Variants in LSAMP observed in about 807,000 individuals in gnomAD.
LSAMP encodes limbic system associated membrane protein, also known as limbic system-associated membrane protein.
Under a neutral mutation model 38.6 loss-of-function variants are expected in LSAMP, and 7 were observed. The observed-to-expected ratio is 0.18, with a 90% CI of 0.10 to 0.34. LSAMP has a LOEUF of 0.34. Among genes scored for constraint, LSAMP ranks in the 10% least tolerant of loss-of-function variants. The pLI is 1.00. For synonymous variants in LSAMP, 154 were observed against 166.8 expected, an observed-to-expected ratio of 0.92 and a Z score of 0.59; for missense variants, 313 against 420.0, an observed-to-expected ratio of 0.75 and a Z score of 2.23.
chr3:116,146,059 C>T (rs1709483700), intron 1 of LSAMP, among the ~76,000 whole-genome samples: 1 of 151,788 alleles, frequency 6.6e-6, no homozygotes, highest in African/African-American at 2.4e-5. Flanking sequence ...TTTTTTCCCA[C>T]TGAGGCCTGG....
At chr3:115,922,995 A>C (rs1937417954) in intron 3 of LSAMP, among the ~76,000 whole-genome samples, 1 of 152,170 alleles carries the variant, frequency 6.6e-6, no homozygotes, top group Admixed American at 6.5e-5. Flanking sequence ...CATTATACCT[A>C]TCAATTCCTC....
Position 116,273,707 on chromosome 3 carries a change from T to TATATATATATATATATATATATATACAC in LSAMP, c.155+171169_155+171170insGTGTATATATATATATATATATATATAT, listed in dbSNP as rs1307543165. ...GCATATATATATATATATATATATA[T>TATATATATATATATATATATATATACAC]ACACACACACACACACGTATATATG... On this transcript the variant is annotated intron_variant, in intron 1 of 6. Coordinates refer to ENST00000490035, the MANE Select transcript of LSAMP (RefSeq NM_002338.5). Among the ~76,000 whole-genome samples, 163 of 102,504 alleles carry TATATATATATATATATATATATATACAC rather than the reference T, an allele frequency of 1.6e-3. 1 individual carries two copies. The highest frequency in any genetic ancestry group is 2.2e-3 in the Non-Finnish European group (122 of 54,942). The allele number at this position is 102,504 out of a possible 152,430, so 67.2% of individuals were successfully genotyped here. A position where few individuals can be genotyped will look rare whatever the true frequency, so the allele number is the denominator to read the frequency against.
chr3:116,043,107 C>A (rs1576328081), intron 2 of LSAMP, among the ~76,000 whole-genome samples: 1 of 152,146 alleles, frequency 6.6e-6, no homozygotes, highest in East Asian at 1.9e-4. Flanking sequence ...GTAGTATTCA[C>A]TCATTTGGAT....
intron 1 of LSAMP, among the ~76,000 whole-genome samples, chr3:116,329,525 T>G (rs1438099795): frequency 2.0e-5 from 3 of 152,170 alleles, no homozygotes; most frequent in Non-Finnish European, 4.4e-5. Flanking sequence ...GCTAAAAAAG[T>G]GAATGTTTCT....
intron 1 of LSAMP, among the ~76,000 whole-genome samples, chr3:116,197,314 T>C (rs1052269696): frequency 1.3e-5 from 2 of 152,200 alleles, no homozygotes; most frequent in African/African-American, 4.8e-5. Flanking sequence ...ACTTTGTCCT[T>C]GTCACTTCTC....
chr3:115,909,674 A>C (rs569873643), intron 3 of LSAMP, among the ~76,000 whole-genome samples: 60 of 152,330 alleles, frequency 3.9e-4, no homozygotes, highest in African/African-American at 1.4e-3. Flanking sequence ...CAATATTTTG[A>C]ATGTCTTCTT....
intron 1 of LSAMP, among the ~76,000 whole-genome samples, chr3:116,280,029 C>T (rs1194198093): frequency 6.6e-6 from 1 of 151,330 alleles, no homozygotes; most frequent in Non-Finnish European, 1.5e-5. Flanking sequence ...GGATTATTCA[C>T]ACATAAAAAA....
At chr3:116,210,328 G>T (rs2046138624) in intron 1 of LSAMP, among the ~76,000 whole-genome samples, 1 of 152,202 alleles carries the variant, frequency 6.6e-6, no homozygotes, top group Non-Finnish European at 1.5e-5. Context: ...CTCAGTCTGA[G>T]TGGGCACCAT....
chr3:116,310,043 C>T (rs895514345), intron 1 of LSAMP, among the ~76,000 whole-genome samples: 1 of 152,080 alleles, frequency 6.6e-6, no homozygotes, highest in Non-Finnish European at 1.5e-5. Context: ...GATTTGATTC[C>T]TCATAACTCT....
intron 3 of LSAMP, among the ~76,000 whole-genome samples, chr3:115,892,389 A>G (rs749344852): frequency 2.0e-5 from 3 of 152,014 alleles, no homozygotes; most frequent in Non-Finnish European, 4.4e-5. Context: ...ACATTGTGGT[A>G]TATTCACACA....
chr3:115,965,431 G>C (rs1938770637), intron 3 of LSAMP, among the ~76,000 whole-genome samples: 1 of 151,614 alleles, frequency 6.6e-6, no homozygotes, highest in South Asian at 2.1e-4. Context: ...GAAATCATAG[G>C]AATATCTTAT....
At chr3:116,443,628 T>C (rs759833192) in intron 1 of LSAMP, among the ~76,000 whole-genome samples, 10 of 152,184 alleles carry the variant, frequency 6.6e-5, no homozygotes, top group Non-Finnish European at 1.3e-4. Flanking sequence ...AACTGCTCCC[T>C]GATGCCCCAG....
intron 1 of LSAMP, among the ~76,000 whole-genome samples, chr3:116,427,109 C>CTTTTTTTTTTTT (rs758726064): frequency 2.1e-5 from 2 of 95,396 alleles, no homozygotes; most frequent in Non-Finnish European, 4.2e-5. Context: ...CTCTTTCTTT[C>CTTTTTTTTTTTT]TTTTTTTTTT....
intron 3 of LSAMP, among the ~76,000 whole-genome samples, chr3:115,870,668 A>G (rs1298005695): frequency 6.6e-6 from 1 of 152,126 alleles, no homozygotes; most frequent in East Asian, 1.9e-4. Context: ...GGCCCAACTC[A>G]CTGGTTCCTT....
chr3:116,143,016 TA>T (rs1447586655), intron 1 of LSAMP, among the ~76,000 whole-genome samples: 3 of 148,760 alleles, frequency 2.0e-5, no homozygotes, highest in Non-Finnish European at 3.0e-5. Flanking sequence ...TTATTATATA[TA>T]AAAATATATT....
intron 3 of LSAMP, among the ~76,000 whole-genome samples, chr3:115,945,397 C>A: frequency 6.6e-6 from 1 of 152,092 alleles, no homozygotes. Flanking sequence ...GATTATAGGT[C>A]TGTCTCCGAT....
chr3:116,416,669 C>T (rs556384351), intron 1 of LSAMP, among the ~76,000 whole-genome samples: 1 of 152,218 alleles, frequency 6.6e-6, no homozygotes, highest in South Asian at 2.1e-4. Flanking sequence ...CTTATATGAA[C>T]CTATGAACCC....
Position 115,842,598 on chromosome 3 carries a change from A to G in LSAMP, c.650-20T>C, listed in dbSNP as rs1418953096. 1 of 1,612,296 alleles carries G rather than the reference A, an allele frequency of 6.2e-7. No individual in the cohort carries two copies. The highest frequency in any genetic ancestry group is 1.1e-5 in the South Asian group (1 of 90,956). ...GAGGATCTGTAGGAAGGACAGGCAC[A>G]CAAGTTTACATGAGGGTCGGGGTGC... On this transcript the variant is annotated intron_variant, in intron 4 of 6. Coordinates refer to ENST00000490035, the MANE Select transcript of LSAMP (RefSeq NM_002338.5).
chr3:115,838,508 T>C (rs956622579), intron 6 of LSAMP, among the ~76,000 whole-genome samples: 1 of 152,250 alleles, frequency 6.6e-6, no homozygotes, highest in Non-Finnish European at 1.5e-5. Context: ...AGCTGAATCC[T>C]TGGCCATACA....
Sources: allele counts gnomAD v4.1 joint callset (sites outside exome capture counted in the v4.1 genomes callset), GRCh38; gene constraint gnomAD v4.1.1; transcripts MANE v1.5; gene names NCBI Gene and HGNC (gene_info 2026-07-23, HGNC 2026-07-21).